The following PDE11A variants were observed in gnomAD, a reference collection of about 807,000 sequenced individuals.
PDE11A encodes the protein dual 3',5'-cyclic-AMP and -GMP phosphodiesterase 11A.
In PDE11A, 100 loss-of-function variants were observed where a neutral mutation model predicts 100.5. The observed-to-expected ratio is 1.00, with a 90% CI of 0.85 to 1.18. The LOEUF (loss-of-function observed/expected upper bound fraction) is 1.18, where lower values mean the gene tolerates loss of function less well. Among genes scored for constraint, PDE11A ranks in the 50% most tolerant of loss-of-function variants. The pLI is 0.00. For missense variants in PDE11A, 1,141 were observed against 1,152.6 expected, an observed-to-expected ratio of 0.99 and a Z score of 0.15; for synonymous variants, 381 against 420.8, an observed-to-expected ratio of 0.91 and a Z score of 1.16.
chr2:177,637,902 CATATAT>C (rs1559120542), intron 19 of PDE11A, among the ~76,000 whole-genome samples: 13 of 79,168 alleles, frequency 1.6e-4, no homozygotes, highest in Non-Finnish European at 2.4e-4. Flanking sequence ...TATATATATA[CATATAT>C]ACATATATAC....
chr2:177,706,275 AG>A lies in PDE11A; in HGVS notation c.2154-5065del, dbSNP rs2081278312. ...TTTTATAGCCTTATATATGAAAAAA[AG>A]GTAGCATATACTTTGCTGCATAATA... is the stretch of plus-strand genomic sequence containing the variant. On this transcript the variant is annotated intron_variant, in intron 13 of 19. Coordinates refer to ENST00000286063, the MANE Select transcript of PDE11A (RefSeq NM_016953.4). Among the ~76,000 whole-genome samples the A allele has an allele frequency of 2.0e-5, 3 of 152,300 alleles. No individual in the cohort carries two copies. The South Asian group carries it at 6.2e-4, about 32-fold the overall frequency.
chr2:177,730,094 T>C (rs1254417117), intron 10 of PDE11A, among the ~76,000 whole-genome samples: 2 of 152,228 alleles, frequency 1.3e-5, no homozygotes, highest in Non-Finnish European at 2.9e-5. Flanking sequence ...TTATTTATTA[T>C]ACTTTAAGTT....
intron 10 of PDE11A, among the ~76,000 whole-genome samples, chr2:177,760,156 C>T (rs1167062137): frequency 1.3e-5 from 2 of 152,152 alleles, no homozygotes; most frequent in African/African-American, 2.4e-5. Flanking sequence ...TAGTTGCCTT[C>T]TACATAAAAT....
At chr2:177,805,143 T>C (rs922598738) in intron 9 of PDE11A, among the ~76,000 whole-genome samples, 15 of 151,572 alleles carry the variant, frequency 9.9e-5, no homozygotes, top group African/African-American at 2.4e-4. Context: ...TAAAACAAAA[T>C]GACCCAGAAA....
intron 2 of PDE11A, among the ~76,000 whole-genome samples, chr2:177,939,931 T>C (rs989003627): frequency 2.0e-5 from 3 of 152,246 alleles, no homozygotes; most frequent in Admixed American, 2.0e-4. Flanking sequence ...AATAAACTTA[T>C]AAAATTTTAT....
At chr2:178,009,130 C>T (rs2086246388) in intron 2 of PDE11A, among the ~76,000 whole-genome samples, 1 of 152,198 alleles carries the variant, frequency 6.6e-6, no homozygotes, top group Admixed American at 6.5e-5. Context: ...CGTGCCCACA[C>T]ATCTTAATAG....
chr2:177,723,493 T>G (rs1380704661), intron 12 of PDE11A, among the ~76,000 whole-genome samples: 1 of 152,170 alleles, frequency 6.6e-6, no homozygotes, highest in Non-Finnish European at 1.5e-5. Context: ...TCTCTTTTCA[T>G]ATCCAGTGAA....
intron 2 of PDE11A, among the ~76,000 whole-genome samples, chr2:178,083,997 A>G (rs1396528447): frequency 6.6e-6 from 1 of 152,246 alleles, no homozygotes; most frequent in African/African-American, 2.4e-5. Context: ...ATAGCTATAT[A>G]GATACGTTCA....
At chr2:177,819,890 C>CTCTCTCTCTG (rs1558954590) in intron 7 of PDE11A, among the ~76,000 whole-genome samples, 4 of 138,874 alleles carry the variant, frequency 2.9e-5, no homozygotes, top group Middle Eastern at 7.6e-3. Flanking sequence ...CTCTCTCTCT[C>CTCTCTCTCTG]TCTCTGTCTC....
At chr2:177,903,219 G>A (rs1431870234) in intron 3 of PDE11A, among the ~76,000 whole-genome samples, 4 of 152,096 alleles carry the variant, frequency 2.6e-5, no homozygotes, top group South Asian at 4.2e-4. Context: ...AATGCTCTCC[G>A]CAGACCTTTA....
At chr2:177,815,083 T>C (rs1032252461) in intron 9 of PDE11A, among the ~76,000 whole-genome samples, 3 of 152,188 alleles carry the variant, frequency 2.0e-5, no homozygotes, top group African/African-American at 7.2e-5. Context: ...TCCTTCTTTT[T>C]AATAGCTGCA....
chr2:177,955,946 C>A (rs1242224799), intron 2 of PDE11A, among the ~76,000 whole-genome samples: 1 of 152,098 alleles, frequency 6.6e-6, no homozygotes, highest in Non-Finnish European at 1.5e-5. Flanking sequence ...AGACCTAAAA[C>A]CATAAAAACC....
chr2:177,821,955 T>G (rs146229210), intron 6 of PDE11A, among the ~76,000 whole-genome samples: 4 of 151,590 alleles, frequency 2.6e-5, no homozygotes, highest in Admixed American at 2.6e-4. Context: ...TTTTAAAAAT[T>G]GGCTCGTAAA....
At position 178,072,569 on chromosome 2, in the gene PDE11A, T is replaced by G; in HGVS notation, c.-132A>C. On this transcript the variant is annotated 5_prime_UTR_variant, in exon 1 of 20. Transcript: ENST00000286063. ...TCAGCGCCACCTCCCCTGGAGATTA[T>G]TCCCAGCAGTGGAATCTGGGAGATG... 6.5e-7 allele frequency: 1 copy of G among 1,532,172 alleles called. No homozygotes were observed. Among genetic ancestry groups the G allele is most frequent in the South Asian group, 1.2e-5 (1 of 83,316 alleles). 94.9% of individuals were successfully genotyped at this position (1,532,172 alleles called of 1,614,324 possible).
intron 4 of PDE11A, among the ~76,000 whole-genome samples, chr2:177,885,201 A>T (rs1218360528): frequency 6.7e-6 from 1 of 149,304 alleles, no homozygotes; most frequent in Non-Finnish European, 1.5e-5. Context: ...TAATGATGTG[A>T]GTGTGTGTGT....
At chr2:177,678,338 G>A (rs1035545494) in intron 16 of PDE11A, among the ~76,000 whole-genome samples, 2 of 152,172 alleles carry the variant, frequency 1.3e-5, no homozygotes, top group African/African-American at 4.8e-5. Flanking sequence ...TATGTCAAGA[G>A]CCAGCTGTAT....
intron 1 of PDE11A, among the ~76,000 whole-genome samples, chr2:178,060,747 T>A (rs1233868313): frequency 6.6e-6 from 1 of 152,142 alleles, no homozygotes; most frequent in Non-Finnish European, 1.5e-5. Context: ...CAATCTCCTA[T>A]GATTAAATAT....
intron 2 of PDE11A, among the ~76,000 whole-genome samples, chr2:177,929,993 A>T (rs1456652423): frequency 6.6e-6 from 1 of 152,256 alleles, no homozygotes; most frequent in Non-Finnish European, 1.5e-5. Context: ...ATCACCATTT[A>T]CAAGTTTGAT....
intron 5 of PDE11A, among the ~76,000 whole-genome samples, chr2:177,844,964 C>T (rs910028590): frequency 4.6e-5 from 7 of 151,462 alleles, no homozygotes; most frequent in African/African-American, 1.2e-4. Flanking sequence ...GGCAACCATC[C>T]GATTTCTCAA....
Sources: gnomAD v4.1 joint callset for allele counts (sites outside exome capture counted in the v4.1 genomes callset) on GRCh38, gnomAD v4.1.1 for gene constraint, MANE v1.5 for transcripts, NCBI Gene and HGNC (gene_info 2026-07-23, HGNC 2026-07-21) for gene names.